GABRG2: variants seen among roughly 807,000 people sequenced by gnomAD.
GABRG2 encodes gamma-aminobutyric acid type A receptor subunit gamma2.
In GABRG2, 16 loss-of-function variants were observed where a neutral mutation model predicts 56.4. The ratio of observed to expected loss-of-function variants is 0.28; its 90% CI spans 0.19 to 0.43. GABRG2 has a LOEUF of 0.43. GABRG2 is among the 20% of genes least tolerant of loss of function. The pLI, the probability that GABRG2 is intolerant of heterozygous loss-of-function variation, is 1.00. For synonymous variants in GABRG2, 208 were observed against 205.5 expected, an observed-to-expected ratio of 1.01 and a Z score of -0.10; for missense variants, 327 against 582.7, an observed-to-expected ratio of 0.56 and a Z score of 4.52.
rs1758329802 is a variant in GABRG2 at position 162,067,805 on chromosome 5, G to T, written c.-195G>T. ...TGACGCTTTGATGGTATCTGCAAGC[G>T]TTTTTGCTGATCTTATCTCTGCCCC... On this transcript the variant is annotated 5_prime_UTR_variant, in exon 1 of 10. Coordinates refer to ENST00000639213, the MANE Select transcript of GABRG2 (RefSeq NM_198904.4). The T allele has an allele frequency of 8.1e-6, 5 of 619,864 alleles. No individual in the cohort carries two copies. The highest frequency in any genetic ancestry group is 2.7e-5 in the East Asian group (1 of 36,850). The allele number at this position is 619,864 out of a possible 1,614,324, so 38.4% of individuals were successfully genotyped here.
At chr5:162,130,906 T>C (rs1763695466) in intron 6 of GABRG2, among the ~76,000 whole-genome samples, 1 of 151,942 alleles carries the variant, frequency 6.6e-6, no homozygotes. Context: ...AGAGAGACCA[T>C]GAGGTCATCA....
intron 7 of GABRG2, among the ~76,000 whole-genome samples, chr5:162,145,139 G>A (rs1764861698): frequency 6.6e-6 from 1 of 152,174 alleles, no homozygotes; most frequent in African/African-American, 2.4e-5. Context: ...AGGCCATCTT[G>A]TTTGATGAGC....
At chr5:162,151,691 AAAC>A (rs1324885828) in intron 8 of GABRG2, 36 bp from the exon 9 acceptor site, 2 of 1,562,538 alleles carry the variant, frequency 1.3e-6, no homozygotes, top group South Asian at 2.4e-5. Context: ...TTTTTATTAA[AAAC>A]AAATGCAATT....
At chr5:162,112,050 T>TAC (rs1421709356) in intron 6 of GABRG2, among the ~76,000 whole-genome samples, 3 of 152,156 alleles carry the variant, frequency 2.0e-5, no homozygotes, top group African/African-American at 4.8e-5. Context: ...TGGTCATTAC[T>TAC]ACTCACAAGT....
chr5:162,138,551 A>G (rs1183520652), intron 6 of GABRG2, among the ~76,000 whole-genome samples: 3 of 152,180 alleles, frequency 2.0e-5, no homozygotes, highest in Non-Finnish European at 2.9e-5. Context: ...ACACTGCTCT[A>G]TGCATAGCAG....
chr5:162,070,399 A>G (rs1758577616), intron 1 of GABRG2, among the ~76,000 whole-genome samples: 1 of 152,068 alleles, frequency 6.6e-6, no homozygotes. Flanking sequence ...GCTTTGATTT[A>G]TAAAGTTGAT....
chr5:162,074,743 CTTAA>C (rs1271282764), intron 1 of GABRG2, among the ~76,000 whole-genome samples: 1 of 151,908 alleles, frequency 6.6e-6, no homozygotes, highest in Non-Finnish European at 1.5e-5. Flanking sequence ...TGTATAATTT[CTTAA>C]TTAATTTATG....
At chr5:162,110,511 G>T (rs562427451) in intron 6 of GABRG2, among the ~76,000 whole-genome samples, 1 of 152,054 alleles carries the variant, frequency 6.6e-6, no homozygotes, top group East Asian at 1.9e-4. Context: ...AAATGTCCTT[G>T]GTAAGGAGAC....
At chr5:162,141,186 G>A (rs1014499324) in intron 6 of GABRG2, among the ~76,000 whole-genome samples, 7 of 151,982 alleles carry the variant, frequency 4.6e-5, no homozygotes, top group African/African-American at 1.5e-4. Context: ...ACAGGCGCCC[G>A]CCACACCACC....
At chr5:162,147,421 A>G (rs1416615060) in intron 7 of GABRG2, among the ~76,000 whole-genome samples, 2 of 149,574 alleles carry the variant, frequency 1.3e-5, no homozygotes, top group African/African-American at 4.9e-5. Flanking sequence ...CCGGAGTGCA[A>G]TGCCACGATT....
chr5:162,119,458 T>TATC (rs1211526779), intron 6 of GABRG2, among the ~76,000 whole-genome samples: 4 of 152,174 alleles, frequency 2.6e-5, no homozygotes, highest in Non-Finnish European at 5.9e-5. Context: ...ATTTATAGTA[T>TATC]ATCATAATTC....
intron 6 of GABRG2, among the ~76,000 whole-genome samples, chr5:162,141,280 G>A (rs576246038): frequency 3.0e-4 from 46 of 152,186 alleles, no homozygotes; most frequent in African/African-American, 9.9e-4. Flanking sequence ...CTCATGATCC[G>A]CCCTCCTCGG....
At chr5:162,092,958 C>T (rs1465525260) in intron 1 of GABRG2, among the ~76,000 whole-genome samples, 1 of 152,038 alleles carries the variant, frequency 6.6e-6, no homozygotes, top group Non-Finnish European at 1.5e-5. Flanking sequence ...GCGGGGTTGC[C>T]TTGGGACTTG....
intron 1 of GABRG2, among the ~76,000 whole-genome samples, chr5:162,088,630 G>A (rs954452500): frequency 1.2e-4 from 19 of 152,040 alleles, no homozygotes; most frequent in Non-Finnish European, 2.5e-4. Flanking sequence ...AAATGAGCTG[G>A]AACAATCATT....
chr5:162,098,176 T>C, intron 4 of GABRG2: 1 of 330,862 alleles, frequency 3.0e-6, no homozygotes, highest in African/African-American at 2.1e-5. Flanking sequence ...CTTTGCACTC[T>C]TATGCTTGGC....
intron 7 of GABRG2, among the ~76,000 whole-genome samples, chr5:162,146,988 AT>A (rs1764999539): frequency 6.6e-6 from 1 of 152,210 alleles, no homozygotes; most frequent in South Asian, 2.1e-4. Context: ...ACTTGAACTG[AT>A]TAGGGAGACA....
At chr5:162,086,632 C>T (rs1581325268) in intron 1 of GABRG2, among the ~76,000 whole-genome samples, 1 of 151,924 alleles carries the variant, frequency 6.6e-6, no homozygotes, top group African/African-American at 2.4e-5. Flanking sequence ...TAACTGCTGT[C>T]CTAACTTTGA....
chr5:162,075,611 C>T (rs747469472), intron 1 of GABRG2, among the ~76,000 whole-genome samples: 16 of 152,148 alleles, frequency 1.1e-4, no homozygotes, highest in East Asian at 9.7e-4. Context: ...TAGCCTCTAA[C>T]GGATGTTCAA....
chr5:162,139,568 GT>G (rs796488886), intron 6 of GABRG2, among the ~76,000 whole-genome samples: 19 of 152,276 alleles, frequency 1.2e-4, no homozygotes, highest in African/African-American at 4.3e-4. Flanking sequence ...GACCATGGAA[GT>G]TTAGACTCTG....
Sources: gnomAD v4.1 joint callset for allele counts (sites outside exome capture counted in the v4.1 genomes callset) on GRCh38, gnomAD v4.1.1 for gene constraint, MANE v1.5 for transcripts, NCBI Gene and HGNC (gene_info 2026-07-23, HGNC 2026-07-21) for gene names.